OSBPL8: variants seen among roughly 807,000 people sequenced by gnomAD.
OSBPL8 encodes oxysterol-binding protein-related protein 8.
In OSBPL8, 59 loss-of-function variants were observed where a neutral mutation model predicts 125.5. That is an observed-to-expected ratio of 0.47 (90% CI 0.38 to 0.58). The LOEUF is 0.58. Ranked by LOEUF, OSBPL8 falls within the 20% of genes least tolerant of loss-of-function variation. The probability of loss-of-function intolerance (pLI) is 0.00; values close to 1 mark genes in which losing one functional copy is unlikely to be tolerated. For missense variants in OSBPL8, 758 were observed against 1,047.8 expected, an observed-to-expected ratio of 0.72 and a Z score of 3.82; for synonymous variants, 330 against 338.9, an observed-to-expected ratio of 0.97 and a Z score of 0.29.
In OSBPL8 at chr12:76,480,167, C is replaced by CAAAAAAAAAAA. The variant is rs57582036; in HGVS notation, c.42+7332_42+7342dup. ...GGGCAACAAGAGTGAAACTCCATCT[C>CAAAAAAAAAAA]AAAAAAAAAAAAAAAAAAAAAAAAG... On this transcript the variant is annotated intron_variant, in intron 2 of 23. Coordinates refer to ENST00000261183, the MANE Select transcript of OSBPL8 (RefSeq NM_020841.5). Among the ~76,000 whole-genome samples the CAAAAAAAAAAA allele has an allele frequency of 2.0e-4, 11 of 56,384 alleles. 1 individual carries two copies. The highest frequency in any genetic ancestry group is 4.4e-4 in the African/African-American group (6 of 13,616). The allele number at this position is 56,384 out of a possible 152,430, so 37.0% of individuals were successfully genotyped here.
At chr12:76,359,236 T>TGTTCCCAATGTTAGAAAC (rs1952105247) in intron 21 of OSBPL8, among the ~76,000 whole-genome samples, 1 of 152,240 alleles carries the variant, frequency 6.6e-6, no homozygotes, top group Non-Finnish European at 1.5e-5. Context: ...ATATTTATTT[T>TGTTCCCAATGTTAGAAAC]GTTCCCAATG....
chr12:76,479,039 C>A (rs569938882), intron 2 of OSBPL8, among the ~76,000 whole-genome samples: 1 of 152,106 alleles, frequency 6.6e-6, no homozygotes, highest in Non-Finnish European at 1.5e-5. Context: ...CCAGCCTGGG[C>A]GACAGAGCGA....
In OSBPL8 at chr12:76,402,734, C is replaced by T. The variant is rs1954101989; in HGVS notation, c.321G>A (p.Lys107=). 2 of 1,607,268 alleles carry T rather than the reference C, an allele frequency of 1.2e-6. No individual in the cohort carries two copies. The highest frequency in any genetic ancestry group is 8.5e-7 in the Non-Finnish European group (1 of 1,174,442). ...TGAGTTTGCTTGAAGTTGAACTGTC[C>T]TTCTCTGAGCCATTATAAAGTTTAG... ...SESKLYNGSE[K]DSSTSSKLTK... is the part of the protein sequence containing the mutation. Residue 107 remains lysine, a synonymous_variant, in exon 6 of 24, where the codon AAG becomes AAA. Transcript: ENST00000261183.
intron 6 of OSBPL8, among the ~76,000 whole-genome samples, chr12:76,401,285 C>A (rs1245995933): frequency 6.6e-6 from 1 of 152,118 alleles, no homozygotes; most frequent in Non-Finnish European, 1.5e-5. Flanking sequence ...TTGTGTTCAG[C>A]ATGCAAAAAG....
At chr12:76,436,701 G>C (rs963669294) in intron 4 of OSBPL8, among the ~76,000 whole-genome samples, 3 of 151,792 alleles carry the variant, frequency 2.0e-5, no homozygotes, top group Non-Finnish European at 2.9e-5. Flanking sequence ...ACAGAACTAG[G>C]AAAACACGAC....
chr12:76,545,473 G>A (rs141122052), intron 1 of OSBPL8, among the ~76,000 whole-genome samples: 20 of 152,208 alleles, frequency 1.3e-4, no homozygotes, highest in African/African-American at 4.1e-4. Context: ...TTAAGCTGAC[G>A]GTTCATTACT....
chr12:76,413,848 C>A (rs970058662), intron 4 of OSBPL8, among the ~76,000 whole-genome samples: 8 of 151,818 alleles, frequency 5.3e-5, no homozygotes, highest in Admixed American at 2.0e-4. Flanking sequence ...TAGTCCTTTG[C>A]CAAATGTATT....
At position 76,369,795 on chromosome 12, in the gene OSBPL8, T is replaced by C; in HGVS notation, c.2082A>G (p.Ile694Met). The change falls in exon 20 of 24, where the codon ATA (isoleucine) becomes ATG (methionine). Residue 694 changes from isoleucine (I) to methionine (M), a missense_variant. Coordinates refer to ENST00000261183, the MANE Select transcript of OSBPL8 (RefSeq NM_020841.5). ...TAGCTTCAGTTTGGTCTTTGGCATT[T>C]ATGGCTCGAGTTACCCGTTGCCAGA... is the stretch of plus-strand genomic sequence containing the variant. ...EKLWQRVTRA[I>M]NAKDQTEATQ... is the part of the protein sequence containing the mutation. 3 of 1,613,348 alleles carry C rather than the reference T, an allele frequency of 1.9e-6. No individual in the cohort carries two copies. Among genetic ancestry groups the C allele is most frequent in the African/African-American group, 1.3e-5 (1 of 74,994 alleles).
At chr12:76,510,918 A>G (rs1354102273) in intron 1 of OSBPL8, among the ~76,000 whole-genome samples, 2 of 152,080 alleles carry the variant, frequency 1.3e-5, no homozygotes, top group Non-Finnish European at 2.9e-5. Context: ...CTCTTGCCAT[A>G]TAAGAAGCAC....
intron 1 of OSBPL8, among the ~76,000 whole-genome samples, chr12:76,514,411 A>C (rs1481861889): frequency 6.7e-6 from 1 of 148,174 alleles, no homozygotes; most frequent in Admixed American, 6.8e-5. Flanking sequence ...TCAGCCTCCC[A>C]AAGTGCTGGG....
chr12:76,458,240 C>T (rs527899630), intron 3 of OSBPL8, among the ~76,000 whole-genome samples: 1 of 152,278 alleles, frequency 6.6e-6, no homozygotes, highest in South Asian at 2.1e-4. Context: ...TGCCACTGCA[C>T]TCCAGCCTGG....
At chr12:76,377,037 G>GT in intron 16 of OSBPL8, among the ~76,000 whole-genome samples, 1 of 152,144 alleles carries the variant, frequency 6.6e-6, no homozygotes, top group East Asian at 1.9e-4. Flanking sequence ...TTGGTTTTCT[G>GT]TTTCTGTGTT....
At chr12:76,512,025 T>TA (rs1881048944) in intron 1 of OSBPL8, among the ~76,000 whole-genome samples, 1 of 152,180 alleles carries the variant, frequency 6.6e-6, no homozygotes, top group Non-Finnish European at 1.5e-5. Context: ...GTTACATAGA[T>TA]AAACACATGT....
At chr12:76,399,347 A>G (rs1159581979) in intron 7 of OSBPL8, among the ~76,000 whole-genome samples, 1 of 152,200 alleles carries the variant, frequency 6.6e-6, no homozygotes, top group Non-Finnish European at 1.5e-5. Context: ...GAGAAAGAGG[A>G]TAGAGTGACC....
intron 23 of OSBPL8, 72 bp downstream of exon 23, chr12:76,356,554 G>C: frequency 1.1e-6 from 1 of 927,482 alleles, no homozygotes; most frequent in Non-Finnish European, 1.7e-6. Flanking sequence ...GTCTGCATAT[G>C]ATTTCCCATA....
intron 1 of OSBPL8, among the ~76,000 whole-genome samples, chr12:76,542,789 C>T (rs1322639028): frequency 6.6e-6 from 1 of 152,182 alleles, no homozygotes. Flanking sequence ...AGACAAAAAG[C>T]AAAATCCTTA....
At chr12:76,356,564 A>T (rs1436258018) in intron 23 of OSBPL8, 62 bp downstream of exon 23, 2 of 1,026,364 alleles carry the variant, frequency 1.9e-6, no homozygotes. Flanking sequence ...GATTTCCCAT[A>T]TAACAGGATT....
intron 1 of OSBPL8, among the ~76,000 whole-genome samples, chr12:76,497,483 G>A (rs1383183943): frequency 6.6e-6 from 1 of 152,090 alleles, no homozygotes; most frequent in African/African-American, 2.4e-5. Context: ...TGCCCTCACA[G>A]TTTTTCTCCT....
chr12:76,544,234 C>T (rs953011016), intron 1 of OSBPL8, among the ~76,000 whole-genome samples: 11 of 152,110 alleles, frequency 7.2e-5, no homozygotes, highest in African/African-American at 2.7e-4. Context: ...CAGTTTCACC[C>T]CTGCGGTCAC....
Sources: gnomAD v4.1 joint callset for allele counts (sites outside exome capture counted in the v4.1 genomes callset) on GRCh38, gnomAD v4.1.1 for gene constraint, MANE v1.5 for transcripts, NCBI Gene and HGNC (gene_info 2026-07-23, HGNC 2026-07-21) for gene names.